RASA2: variants seen among roughly 807,000 people sequenced by gnomAD.
RASA2 encodes the protein ras GTPase-activating protein 2.
RASA2 carries 155 observed loss-of-function variants against 118.2 expected under a neutral mutation model. That is an observed-to-expected ratio of 1.31 (90% CI 1.15 to 1.50). The LOEUF is 1.50. RASA2 is among the 40% of genes most tolerant of loss of function. The pLI is 0.00. For missense variants in RASA2, 1,016 were observed against 1,009.6 expected, an observed-to-expected ratio of 1.01 and a Z score of -0.09; for synonymous variants, 353 against 349.1, an observed-to-expected ratio of 1.01 and a Z score of -0.12.
intron 5 of RASA2, 63 bp downstream of exon 5, chr3:141,540,672 T>G: frequency 4.4e-6 from 6 of 1,377,608 alleles, no homozygotes; most frequent in Non-Finnish European, 6.1e-6. Context: ...TCTTTCGATT[T>G]TAAGCCAACT....
At chr3:141,536,330 G>A (rs1414187843) in intron 4 of RASA2, among the ~76,000 whole-genome samples, 3 of 152,166 alleles carry the variant, frequency 2.0e-5, no homozygotes, top group Admixed American at 1.3e-4. Context: ...TACGAGAATA[G>A]CACAGGAAAG....
intron 7 of RASA2, among the ~76,000 whole-genome samples, chr3:141,557,775 TAAAAG>T (rs1466128176): frequency 1.3e-5 from 2 of 151,638 alleles, no homozygotes; most frequent in South Asian, 2.1e-4. Flanking sequence ...AAGAGGCAGA[TAAAAG>T]AGAGAATGCA....
chr3:141,586,121 G>A, intron 18 of RASA2, 23 bp downstream of exon 18: 2 of 1,555,158 alleles, frequency 1.3e-6, no homozygotes, highest in Non-Finnish European at 1.8e-6. Flanking sequence ...AATTAGACGT[G>A]AAAGTCATAT....
At chr3:141,523,542 AAAAG>A (rs1251078852) in intron 3 of RASA2, among the ~76,000 whole-genome samples, 1 of 152,248 alleles carries the variant, frequency 6.6e-6, no homozygotes, top group Admixed American at 6.5e-5. Flanking sequence ...AAATGAGAGA[AAAAG>A]AAAAACTTTA....
rs377373461 is a variant in RASA2, at chr3:141,576,053, G to A, written c.1484-947G>A. On this transcript the variant is annotated intron_variant, in intron 14 of 23. Transcript: ENST00000286364. ...CGGCCTCCCAAAGTGCTGGAATTAC[G>A]GGCGTGGGCCACCGCGCCCGGCCAA... Among the ~76,000 whole-genome samples, 15 of 152,084 alleles carry A rather than the reference G, an allele frequency of 9.9e-5. 1 individual carries two copies. Among genetic ancestry groups the A allele is most frequent in the East Asian group, 9.6e-4 (5 of 5,184 alleles).
chr3:141,594,032 A>G (rs2083326375), intron 19 of RASA2, among the ~76,000 whole-genome samples: 1 of 152,214 alleles, frequency 6.6e-6, no homozygotes, highest in Non-Finnish European at 1.5e-5. Flanking sequence ...AGCCTCTATT[A>G]TAAATATTTC....
chr3:141,513,076 A>C (rs1356466393), intron 2 of RASA2, among the ~76,000 whole-genome samples: 7 of 149,096 alleles, frequency 4.7e-5, no homozygotes, highest in African/African-American at 1.0e-4. Flanking sequence ...AAAAAAAAAA[A>C]AAAACAAAAA....
intron 9 of RASA2, among the ~76,000 whole-genome samples, chr3:141,560,747 T>A (rs2082718895): frequency 6.6e-6 from 1 of 152,212 alleles, no homozygotes; most frequent in Admixed American, 6.5e-5. Context: ...TGCTAGATTT[T>A]GGTTTCAACT....
chr3:141,566,148 A>G (rs949218215), intron 9 of RASA2, among the ~76,000 whole-genome samples: 1 of 152,262 alleles, frequency 6.6e-6, no homozygotes, highest in Non-Finnish European at 1.5e-5. Flanking sequence ...GCATCTCAGC[A>G]TTCCAGCTAA....
At chr3:141,595,838 A>G (rs1467508862) in intron 19 of RASA2, among the ~76,000 whole-genome samples, 2 of 152,106 alleles carry the variant, frequency 1.3e-5, no homozygotes, top group East Asian at 1.9e-4. Context: ...TTTGTTGCCC[A>G]GGGTGGTCTC....
At chr3:141,612,136 A>G in intron 23 of RASA2, 147 bp from the exon 24 acceptor site, 1 of 643,542 alleles carries the variant, frequency 1.6e-6, no homozygotes, top group Non-Finnish European at 2.7e-6. Flanking sequence ...ATAGGTGGTC[A>G]GTAAGTACTC....
chr3:141,603,173 A>T (rs568345490), intron 19 of RASA2, among the ~76,000 whole-genome samples: 1 of 152,278 alleles, frequency 6.6e-6, no homozygotes, highest in East Asian at 1.9e-4. Context: ...CATCTTTCTT[A>T]ACACTATTAT....
intron 4 of RASA2, among the ~76,000 whole-genome samples, chr3:141,538,278 A>G (rs888911859): frequency 9.9e-5 from 15 of 152,220 alleles, no homozygotes; most frequent in Non-Finnish European, 2.1e-4. Flanking sequence ...ATAATTTAAA[A>G]CTTTATTTTT....
At chr3:141,515,483 TC>T (rs960791231) in intron 2 of RASA2, among the ~76,000 whole-genome samples, 2 of 152,298 alleles carry the variant, frequency 1.3e-5, no homozygotes, top group African/African-American at 4.8e-5. Context: ...GCAACTTAGA[TC>T]CCTTCAGTGT....
intron 1 of RASA2, among the ~76,000 whole-genome samples, chr3:141,506,915 C>CAAAAA (rs59123792): frequency 1.1e-5 from 1 of 89,762 alleles, no homozygotes; most frequent in Non-Finnish European, 2.2e-5. Flanking sequence ...GACCCTGTCT[C>CAAAAA]AAAAAAAAAA....
intron 1 of RASA2, among the ~76,000 whole-genome samples, chr3:141,498,306 C>G (rs772595707): frequency 6.6e-6 from 1 of 152,144 alleles, no homozygotes; most frequent in South Asian, 2.1e-4. Flanking sequence ...AGCCCACATC[C>G]CTTTCTCTAC....
chr3:141,591,767 A>G (rs2083288404), intron 19 of RASA2, among the ~76,000 whole-genome samples: 3 of 152,176 alleles, frequency 2.0e-5, no homozygotes, highest in South Asian at 4.1e-4. Flanking sequence ...CCTAGCTCAT[A>G]TAGCCAGTGG....
chr3:141,520,015 T>C (rs1447200808), intron 3 of RASA2, among the ~76,000 whole-genome samples: 4 of 139,800 alleles, frequency 2.9e-5, no homozygotes, highest in African/African-American at 1.0e-4. Context: ...TTTTCTCTTT[T>C]TTTTTTTTTT....
intron 3 of RASA2, among the ~76,000 whole-genome samples, chr3:141,524,903 T>TA: frequency 6.6e-6 from 1 of 152,236 alleles, no homozygotes; most frequent in Admixed American, 6.5e-5. Flanking sequence ...TCACTGTTTT[T>TA]ATCTCCTCTT....
Sources: allele counts gnomAD v4.1 joint callset (sites outside exome capture counted in the v4.1 genomes callset), GRCh38; gene constraint gnomAD v4.1.1; transcripts MANE v1.5; gene names NCBI Gene and HGNC (gene_info 2026-07-23, HGNC 2026-07-21).